CTNNA2: variants seen among roughly 807,000 people sequenced by gnomAD.
CTNNA2 encodes catenin alpha-2.
A neutral mutation model predicts 101.0 loss-of-function variants in CTNNA2; 42 were observed. The observed-to-expected ratio is 0.42, with a 90% CI of 0.32 to 0.54. The LOEUF (loss-of-function observed/expected upper bound fraction) is 0.54. CTNNA2 is among the 20% of genes least tolerant of loss of function. CTNNA2 has a pLI of 0.14. For missense variants in CTNNA2, 871 were observed against 1,223.1 expected, an observed-to-expected ratio of 0.71 and a Z score of 4.29; for synonymous variants, 450 against 456.4, an observed-to-expected ratio of 0.99 and a Z score of 0.18.
intron 7 of CTNNA2, among the ~76,000 whole-genome samples, chr2:80,226,265 A>G (rs1166317824): frequency 6.6e-6 from 1 of 152,218 alleles, no homozygotes; most frequent in African/African-American, 2.4e-5. Flanking sequence ...AATTAGACGA[A>G]TACTTAACTA....
intron 4 of CTNNA2, among the ~76,000 whole-genome samples, chr2:79,378,277 G>A (rs1225691337): frequency 6.6e-6 from 1 of 152,174 alleles, no homozygotes; most frequent in African/African-American, 2.4e-5. Flanking sequence ...TCTAGGAATT[G>A]AGGAGAGAAA....
intron 9 of CTNNA2, among the ~76,000 whole-genome samples, chr2:80,423,612 C>T (rs1680725895): frequency 6.6e-6 from 1 of 152,024 alleles, no homozygotes; most frequent in Non-Finnish European, 1.5e-5. Flanking sequence ...CAGATGGCAG[C>T]CCCCAACACA....
chr2:79,904,317 T>A (rs1685269848), intron 6 of CTNNA2, among the ~76,000 whole-genome samples: 1 of 152,174 alleles, frequency 6.6e-6, no homozygotes, highest in Non-Finnish European at 1.5e-5. Flanking sequence ...CTTAGACTCC[T>A]ACAGTAACTG....
chr2:80,617,868 C>T (rs571968965), intron 17 of CTNNA2, among the ~76,000 whole-genome samples: 1 of 151,842 alleles, frequency 6.6e-6, no homozygotes, highest in South Asian at 2.1e-4. Flanking sequence ...TAGAAACAGG[C>T]TTTGGTTTTT....
chr2:80,027,629 C>A (rs1695015712), intron 7 of CTNNA2, among the ~76,000 whole-genome samples: 1 of 152,172 alleles, frequency 6.6e-6, no homozygotes, highest in South Asian at 2.1e-4. Flanking sequence ...AGACTGGATT[C>A]TTTTCTATCA....
At chr2:80,364,286 T>C (rs1024019832) in intron 7 of CTNNA2, among the ~76,000 whole-genome samples, 4 of 152,154 alleles carry the variant, frequency 2.6e-5, no homozygotes, top group Non-Finnish European at 4.4e-5. Context: ...GAAGGCGTGT[T>C]TTTATAAATT....
At chr2:79,771,921 AT>A (rs1673615140) in intron 3 of CTNNA2, among the ~76,000 whole-genome samples, 1 of 152,226 alleles carries the variant, frequency 6.6e-6, no homozygotes, top group African/African-American at 2.4e-5. Flanking sequence ...TCACAGCCTT[AT>A]AAAAATCCCG....
intron 4 of CTNNA2, among the ~76,000 whole-genome samples, chr2:79,498,720 C>A (rs1180308382): frequency 6.6e-6 from 1 of 152,132 alleles, no homozygotes; most frequent in African/African-American, 2.4e-5. Flanking sequence ...GCAGAATTTT[C>A]TTGAGAGAGG....
intron 1 of CTNNA2, among the ~76,000 whole-genome samples, chr2:79,565,541 A>G (rs1292403397): frequency 1.3e-5 from 2 of 152,144 alleles, no homozygotes; most frequent in Non-Finnish European, 2.9e-5. Context: ...GGCCTGATTT[A>G]GGATATTGGT....
chr2:79,211,876 C>T (rs1456088739), intron 2 of CTNNA2, among the ~76,000 whole-genome samples: 6 of 152,008 alleles, frequency 3.9e-5, no homozygotes, highest in Admixed American at 1.3e-4. Flanking sequence ...AGGGCTGCTT[C>T]GAGCGGGATT....
intron 4 of CTNNA2, among the ~76,000 whole-genome samples, chr2:79,453,817 T>C (rs149524173): frequency 6.6e-6 from 1 of 152,286 alleles, no homozygotes; most frequent in African/African-American, 2.4e-5. Context: ...AATTGTGTTC[T>C]TTGGAGATGT....
intron 3 of CTNNA2, among the ~76,000 whole-genome samples, chr2:79,791,391 T>C (rs1675259814): frequency 6.6e-6 from 1 of 152,070 alleles, no homozygotes; most frequent in African/African-American, 2.4e-5. Context: ...AAGCCCCAAA[T>C]ATTTTAAAAT....
At chr2:80,140,858 G>C (rs551048454) in intron 7 of CTNNA2, among the ~76,000 whole-genome samples, 1 of 152,124 alleles carries the variant, frequency 6.6e-6, no homozygotes, top group Non-Finnish European at 1.5e-5. Flanking sequence ...GTAGATTAAG[G>C]TTATAGGGAC....
At chr2:79,873,220 C>T (rs577983821) in intron 5 of CTNNA2, among the ~76,000 whole-genome samples, 188 of 152,164 alleles carry the variant, frequency 1.2e-3, no homozygotes, top group African/African-American at 3.4e-3. Flanking sequence ...AGAAGACTGA[C>T]GTTTTCAGGT....
intron 1 of CTNNA2, among the ~76,000 whole-genome samples, chr2:79,196,125 G>A (rs1349935874): frequency 6.6e-6 from 1 of 152,048 alleles, no homozygotes; most frequent in East Asian, 1.9e-4. Context: ...GTAGAGACGG[G>A]GTTTCACCAT....
chr2:79,296,091 G>A (rs1252161842), intron 2 of CTNNA2, among the ~76,000 whole-genome samples: 1 of 151,944 alleles, frequency 6.6e-6, no homozygotes, highest in African/African-American at 2.4e-5. Context: ...CTTATTAATA[G>A]TTCAACAAAA....
At chr2:79,610,159 G>A (rs1381928660) in intron 1 of CTNNA2, among the ~76,000 whole-genome samples, 1 of 152,042 alleles carries the variant, frequency 6.6e-6, no homozygotes, top group African/African-American at 2.4e-5. Flanking sequence ...AAATAAGCAC[G>A]TGAAAATAAT....
intron 4 of CTNNA2, among the ~76,000 whole-genome samples, chr2:79,428,322 T>A (rs1678613854): frequency 6.6e-6 from 1 of 152,134 alleles, no homozygotes; most frequent in Non-Finnish European, 1.5e-5. Context: ...TTGTTTTAAA[T>A]GGTGACTTTC....
intron 7 of CTNNA2, among the ~76,000 whole-genome samples, chr2:79,917,794 A>T (rs2916519): frequency 0.6 from 91,573 of 151,892 alleles, 27,961 homozygotes; most frequent in East Asian, 0.78. Flanking sequence ...CTTCTCTGGT[A>T]GAATCATGAC....
Sources: allele counts gnomAD v4.1 joint callset (sites outside exome capture counted in the v4.1 genomes callset), GRCh38; gene constraint gnomAD v4.1.1; transcripts MANE v1.5; gene names NCBI Gene and HGNC (gene_info 2026-07-23, HGNC 2026-07-21).